HYDIN: variants seen among roughly 807,000 people sequenced by gnomAD.
HYDIN encodes HYDIN axonemal central pair apparatus protein, also known as axonemal central pair apparatus protein HYDIN.
A neutral mutation model predicts 403.9 loss-of-function variants in HYDIN; 132 were observed. The ratio of observed to expected loss-of-function variants is 0.33; its 90% confidence interval spans 0.28 to 0.38. The LOEUF (loss-of-function observed/expected upper bound fraction) is 0.38. Among genes scored for constraint, HYDIN ranks in the 10% least tolerant of loss-of-function variants. The pLI is 1.00. For missense variants in HYDIN, 2,827 were observed against 5,009.5 expected, an observed-to-expected ratio of 0.56 and a Z score of 13.15; for synonymous variants, 1,202 against 1,891.7, an observed-to-expected ratio of 0.64 and a Z score of 9.46.
chr16:70,940,289 T>A (rs1326151222), intron 43 of HYDIN, among the ~76,000 whole-genome samples: 1 of 151,170 alleles, frequency 6.6e-6, no homozygotes, highest in Admixed American at 6.6e-5. Flanking sequence ...CTCACCGTCA[T>A]CCTCGCAAGT....
At chr16:70,887,925 C>T (rs1006896951) in intron 58 of HYDIN, among the ~76,000 whole-genome samples, 9 of 152,174 alleles carry the variant, frequency 5.9e-5, no homozygotes, top group Admixed American at 3.9e-4. Context: ...CCTCGTGATC[C>T]GCTTGCCTCG....
At chr16:71,161,846 T>C (rs1005029413) in intron 6 of HYDIN, among the ~76,000 whole-genome samples, 12 of 151,508 alleles carry the variant, frequency 7.9e-5, no homozygotes, top group African/African-American at 2.9e-4. Context: ...ACACTGGCCA[T>C]AGCTCATTTG....
At chr16:70,920,440 T>C (rs1299754163) in intron 46 of HYDIN, 151 bp downstream of exon 46, 4 of 586,408 alleles carry the variant, frequency 6.8e-6, no homozygotes, top group African/African-American at 3.7e-5. Context: ...AAAGGTCCTT[T>C]AGTCATTATT....
intron 23 of HYDIN, among the ~76,000 whole-genome samples, chr16:70,996,500 C>T (rs1238773480): frequency 1.3e-5 from 2 of 151,884 alleles, no homozygotes; most frequent in Non-Finnish European, 1.5e-5. Flanking sequence ...CACTTGTGCA[C>T]TATGGGGCCT....
At chr16:71,089,604 G>A (rs2083047628) in intron 11 of HYDIN, among the ~76,000 whole-genome samples, 1 of 152,208 alleles carries the variant, frequency 6.6e-6, no homozygotes, top group Non-Finnish European at 1.5e-5. Flanking sequence ...AGTAAGTCTG[G>A]AGCAAAGGTT....
At position 71,031,695 on chromosome 16, in the gene HYDIN, A is replaced by C. The variant is rs757149860; in HGVS notation, c.2752T>G (p.Leu918Val). ...SDKPFAPELN[L>V]GAHFSLDTHY... Reference sequence around the variant, plus strand: ...TTTCCTTACCTAAAATGTGCCCCCAAATTGAGTTCTGGAGCAAAGGGCTTA... The same window carrying C: ...TTTCCTTACCTAAAATGTGCCCCCACATTGAGTTCTGGAGCAAAGGGCTTA... The change falls in exon 19 of 86, where the codon TTG (leucine) becomes GTG (valine). Residue 918 changes from leucine (L) to valine (V), a missense_variant. Transcript: ENST00000393567. 4.6e-5 allele frequency: 74 copies of C among 1,592,942 alleles called. No homozygotes were observed. Among genetic ancestry groups the C allele is most frequent in the Middle Eastern group, 1.7e-4 (1 of 5,854 alleles).
intron 79 of HYDIN, 100 bp downstream of exon 79, chr16:70,833,787 C>G: frequency 1.3e-6 from 1 of 762,952 alleles, no homozygotes; most frequent in Non-Finnish European, 2.2e-6. Context: ...AGGGAGAGGA[C>G]AGAAGTAAAA....
intron 57 of HYDIN, among the ~76,000 whole-genome samples, 161 bp from the exon 58 acceptor site, chr16:70,889,865 A>T (rs1452570705): frequency 6.6e-6 from 1 of 152,252 alleles, no homozygotes; most frequent in African/African-American, 2.4e-5. Flanking sequence ...CTAGTTAATC[A>T]CTGACCAAAC....
chr16:70,865,729 C>G (rs1487962478), intron 67 of HYDIN, among the ~76,000 whole-genome samples: 2 of 151,862 alleles, frequency 1.3e-5, no homozygotes, highest in Non-Finnish European at 2.9e-5. Context: ...ATATTCTCTG[C>G]AGGGACCCCA....
At chr16:70,911,305 G>C (rs1403074284) in intron 47 of HYDIN, among the ~76,000 whole-genome samples, 2 of 149,540 alleles carry the variant, frequency 1.3e-5, no homozygotes, top group Non-Finnish European at 3.0e-5. Flanking sequence ...GAGAGATGAG[G>C]ATCCAGTTTC....
In HYDIN at chr16:70,805,072, A is replaced by G. The variant is rs2035051792; in HGVS notation, c.*2508T>C. ...ACCCTTTTGAAGAGTAGGGTGAGGGACCAATTGCTTCCCTTCTCCTAACCT... is the reference window on the plus strand; with the variant it reads ...ACCCTTTTGAAGAGTAGGGTGAGGGGCCAATTGCTTCCCTTCTCCTAACCT... On this transcript the variant is annotated 3_prime_UTR_variant, in exon 86 of 86. Transcript: ENST00000393567. Among the ~76,000 whole-genome samples, 1 of 152,232 alleles carries G rather than the reference A, an allele frequency of 6.6e-6. No individual in the cohort carries two copies. Among genetic ancestry groups the G allele is most frequent in the Non-Finnish European group, 1.5e-5 (1 of 68,040 alleles).
rs2079012769 is a variant in HYDIN, at chr16:70,980,443, T to C, written c.4510+948A>G. On this transcript the variant is annotated intron_variant, in intron 29 of 85. Transcript: ENST00000393567. ...GATCCCTTGAGCCTAAGAGTTAAGATTACAGTGAGCTCTGATTGCACCACT... is the reference window on the plus strand; with the variant it reads ...GATCCCTTGAGCCTAAGAGTTAAGACTACAGTGAGCTCTGATTGCACCACT... Among the ~76,000 whole-genome samples the C allele has an allele frequency of 2.6e-5, 4 of 151,174 alleles. No homozygotes were observed. The South Asian group carries it at 8.3e-4, about 32-fold the overall frequency.
chr16:70,829,244 A>AT (rs1236810590), intron 81 of HYDIN, among the ~76,000 whole-genome samples: 2 of 129,940 alleles, frequency 1.5e-5, no homozygotes, highest in African/African-American at 3.2e-5. Context: ...TTTAATTTTT[A>AT]TTTTTTTGAG....
intron 18 of HYDIN, among the ~76,000 whole-genome samples, chr16:71,040,520 A>G (rs1275113974): frequency 7.6e-6 from 1 of 132,418 alleles, no homozygotes; most frequent in East Asian, 2.3e-4. Context: ...AACTTTACAT[A>G]CAAGTTCCAG....
intron 1 of HYDIN, among the ~76,000 whole-genome samples, chr16:71,201,843 T>G (rs1046190765): frequency 3.3e-5 from 5 of 152,254 alleles, no homozygotes; most frequent in Non-Finnish European, 5.9e-5. Context: ...CTGAGCTGTA[T>G]GCTGTGACCA....
chr16:71,017,414 T>C (rs551721035), intron 23 of HYDIN, among the ~76,000 whole-genome samples: 32 of 151,904 alleles, frequency 2.1e-4, no homozygotes, highest in Middle Eastern at 6.8e-3. Context: ...CCTGCTATCA[T>C]GAAAGATATG....
intron 84 of HYDIN, 80 bp from the exon 85 acceptor site, chr16:70,810,087 A>C: frequency 7.4e-7 from 1 of 1,346,300 alleles, no homozygotes; most frequent in Admixed American, 1.7e-5. Flanking sequence ...CCAAGGCTCC[A>C]TAGCAGGTTG....
intron 45 of HYDIN, among the ~76,000 whole-genome samples, chr16:70,934,319 G>A (rs1476175464): frequency 6.6e-6 from 1 of 152,128 alleles, no homozygotes; most frequent in African/African-American, 2.4e-5. Flanking sequence ...GGGGCACCAG[G>A]GTTGAAGAAA....
intron 83 of HYDIN, among the ~76,000 whole-genome samples, chr16:70,819,037 A>C (rs2036047953): frequency 7.0e-6 from 1 of 142,478 alleles, no homozygotes; most frequent in African/African-American, 3.0e-5. Context: ...CATCAGCCTC[A>C]CAAGTAAGCT....
Sources: allele counts gnomAD v4.1 joint callset (sites outside exome capture counted in the v4.1 genomes callset), GRCh38; gene constraint gnomAD v4.1.1; transcripts MANE v1.5; gene names NCBI Gene and HGNC (gene_info 2026-07-23, HGNC 2026-07-21).